Variants in DIAPH3 observed in about 807,000 individuals in gnomAD.
DIAPH3 encodes diaphanous related formin 3, also known as protein diaphanous homolog 3.
Under a neutral mutation model 144.3 loss-of-function variants are expected in DIAPH3, and 117 were observed. The ratio of observed to expected loss-of-function variants is 0.81; its 90% CI spans 0.70 to 0.95. DIAPH3 has a LOEUF of 0.95. Ranked by LOEUF, DIAPH3 falls within the 40% of genes least tolerant of loss-of-function variation. DIAPH3 has a pLI of 0.00. For missense variants in DIAPH3, 1,421 were observed against 1,412.7 expected, an observed-to-expected ratio of 1.01 and a Z score of -0.09; for synonymous variants, 519 against 488.9, an observed-to-expected ratio of 1.06 and a Z score of -0.81.
intron 1 of DIAPH3, among the ~76,000 whole-genome samples, chr13:60,137,101 C>G (rs990577232): frequency 1.3e-5 from 2 of 152,150 alleles, no homozygotes; most frequent in Non-Finnish European, 2.9e-5. Context: ...TATTTTCTCC[C>G]TAAAAAGTAA....
intron 13 of DIAPH3, among the ~76,000 whole-genome samples, chr13:59,981,575 T>C (rs1187454035): frequency 6.6e-6 from 1 of 150,988 alleles, no homozygotes; most frequent in Non-Finnish European, 1.5e-5. Context: ...AAATAAGTTA[T>C]GATATATATA....
At chr13:59,716,434 C>T (rs1284297211) in intron 27 of DIAPH3, among the ~76,000 whole-genome samples, 1 of 152,138 alleles carries the variant, frequency 6.6e-6, no homozygotes, top group African/African-American at 2.4e-5. Flanking sequence ...CTTTGCCTCC[C>T]AAAGTGCTGG....
At chr13:60,090,381 TA>T (rs2057891123) in intron 4 of DIAPH3, among the ~76,000 whole-genome samples, 1 of 152,086 alleles carries the variant, frequency 6.6e-6, no homozygotes, top group Admixed American at 6.5e-5. Flanking sequence ...CTTTTTTTTT[TA>T]ATTCTAAAAA....
At chr13:59,956,385 C>CA (rs2049403027) in intron 17 of DIAPH3, among the ~76,000 whole-genome samples, 1 of 152,152 alleles carries the variant, frequency 6.6e-6, no homozygotes. Context: ...GCTAAAGGGG[C>CA]AAAGGTACAG....
chr13:59,878,520 G>A (rs1386158700), intron 21 of DIAPH3, among the ~76,000 whole-genome samples: 1 of 152,124 alleles, frequency 6.6e-6, no homozygotes, highest in African/African-American at 2.4e-5. Context: ...TTCTTCTGAT[G>A]TGTAACTGAG....
chr13:59,899,407 G>C (rs2046310950), intron 20 of DIAPH3, among the ~76,000 whole-genome samples: 1 of 152,174 alleles, frequency 6.6e-6, no homozygotes. Context: ...CAAAGGACCT[G>C]TGAAAAAAGA....
chr13:59,719,650 C>A (rs1246722508), intron 27 of DIAPH3, among the ~76,000 whole-genome samples: 1 of 152,062 alleles, frequency 6.6e-6, no homozygotes, highest in Non-Finnish European at 1.5e-5. Flanking sequence ...CTATACCTCT[C>A]CTTCTTGGTG....
chr13:59,893,219 T>C (rs1365620453), intron 20 of DIAPH3, among the ~76,000 whole-genome samples: 2 of 152,182 alleles, frequency 1.3e-5, no homozygotes, highest in African/African-American at 2.4e-5. Flanking sequence ...TTAATAACCA[T>C]ATTTTATTCT....
intron 25 of DIAPH3, among the ~76,000 whole-genome samples, chr13:59,791,523 G>C (rs573230005): frequency 3.2e-4 from 48 of 152,142 alleles, no homozygotes; most frequent in Non-Finnish European, 6.0e-4. Flanking sequence ...CCCTGCCATA[G>C]GGTGGTAGCA....
At chr13:59,951,624 A>G (rs1249220718) in intron 17 of DIAPH3, among the ~76,000 whole-genome samples, 1 of 152,144 alleles carries the variant, frequency 6.6e-6, no homozygotes, top group African/African-American at 2.4e-5. Context: ...CTACTTAAAG[A>G]CTTTATTAGT....
chr13:59,805,766 T>C (rs967672827), intron 25 of DIAPH3, among the ~76,000 whole-genome samples: 3 of 152,006 alleles, frequency 2.0e-5, no homozygotes, highest in African/African-American at 7.2e-5. Context: ...TTTCTTAGTT[T>C]GGTTGCTCAG....
In DIAPH3 at chr13:59,990,190, T is replaced by C. The variant is rs181587709; in HGVS notation, c.1361+968A>G. On this transcript the variant is annotated intron_variant, in intron 12 of 27. Coordinates refer to ENST00000400324, the MANE Select transcript of DIAPH3 (RefSeq NM_001042517.2). ...TTAGAATATCAGTGGGATTTCTGGC[T>C]ACAAAGAGAGTAATTTTGATGCATG... Among the ~76,000 whole-genome samples the C allele has an allele frequency of 2.0e-5, 3 of 151,948 alleles. No individual in the cohort carries two copies. The East Asian group carries it at 5.8e-4, about 30-fold the overall frequency.
chr13:60,005,630 A>G (rs990008611), intron 9 of DIAPH3, among the ~76,000 whole-genome samples: 1 of 151,896 alleles, frequency 6.6e-6, no homozygotes, highest in Non-Finnish European at 1.5e-5. Flanking sequence ...ACAGGCACCC[A>G]CCACCATGCC....
At chr13:59,741,716 G>A (rs7991732) in intron 27 of DIAPH3, among the ~76,000 whole-genome samples, 48,578 of 145,240 alleles carry the variant, frequency 0.33, 8,677 homozygotes, top group African/African-American at 0.43. Context: ...AAAAAAAAAA[G>A]AAAGAAAGAA....
chr13:59,958,291 T>A (rs1341752743), intron 17 of DIAPH3, among the ~76,000 whole-genome samples: 1 of 152,134 alleles, frequency 6.6e-6, no homozygotes, highest in East Asian at 1.9e-4. Context: ...TAGGAAAAGG[T>A]CTCTATTGCC....
At chr13:59,968,931 C>A (rs1404742445) in intron 17 of DIAPH3, among the ~76,000 whole-genome samples, 1 of 152,140 alleles carries the variant, frequency 6.6e-6, no homozygotes, top group African/African-American at 2.4e-5. Context: ...CTGTATCCAT[C>A]CAGTACAATC....
At chr13:59,882,501 A>G (rs1158983752) in intron 20 of DIAPH3, among the ~76,000 whole-genome samples, 1 of 152,190 alleles carries the variant, frequency 6.6e-6, no homozygotes, top group Non-Finnish European at 1.5e-5. Context: ...ATGTTTCCGC[A>G]TCCTCACCAC....
At chr13:60,065,345 A>G (rs1357343649) in intron 4 of DIAPH3, among the ~76,000 whole-genome samples, 1 of 151,828 alleles carries the variant, frequency 6.6e-6, no homozygotes. Context: ...TAATAGTAAA[A>G]CTACAACTAT....
At chr13:59,916,569 C>T (rs555657759) in intron 18 of DIAPH3, among the ~76,000 whole-genome samples, 36 of 152,136 alleles carry the variant, frequency 2.4e-4, no homozygotes, top group African/African-American at 7.2e-4. Context: ...AAATAAGGTA[C>T]ACTATAAAAA....
Sources: allele counts gnomAD v4.1 joint callset (sites outside exome capture counted in the v4.1 genomes callset), GRCh38; gene constraint gnomAD v4.1.1; transcripts MANE v1.5; gene names NCBI Gene and HGNC (gene_info 2026-07-23, HGNC 2026-07-21).